The following TMEM38B variants were observed in gnomAD, a reference collection of about 807,000 sequenced individuals.
The protein encoded by TMEM38B is trimeric intracellular cation channel type B.
In TMEM38B, 24 loss-of-function variants were observed where a neutral mutation model predicts 28.7. The ratio of observed to expected loss-of-function variants is 0.84; its 90% CI spans 0.61 to 1.18. The LOEUF (loss-of-function observed/expected upper bound fraction) is 1.18. Among genes scored for constraint, TMEM38B ranks in the 50% most tolerant of loss-of-function variants. TMEM38B has a pLI of 0.00. For missense variants in TMEM38B, 380 were observed against 350.9 expected (o/e 1.08, Z -0.66); for synonymous variants, 131 against 127.7 (o/e 1.03, Z -0.17).
intron 1 of TMEM38B, among the ~76,000 whole-genome samples, chr9:105,702,493 G>A (rs1835494602): frequency 6.6e-6 from 1 of 152,116 alleles, no homozygotes; most frequent in Admixed American, 6.6e-5. Flanking sequence ...TGTATGCAGT[G>A]CATTAACAAA....
intron 4 of TMEM38B, among the ~76,000 whole-genome samples, chr9:105,742,823 G>T (rs897146957): frequency 2.0e-5 from 3 of 152,050 alleles, no homozygotes; most frequent in African/African-American, 7.2e-5. Flanking sequence ...ATAATTCCAT[G>T]TTTTTATCTT....
At chr9:105,714,273 G>A (rs1247007709) in intron 2 of TMEM38B, among the ~76,000 whole-genome samples, 1 of 152,092 alleles carries the variant, frequency 6.6e-6, no homozygotes, top group Non-Finnish European at 1.5e-5. Context: ...ACCCACTGTG[G>A]GTCTTCTCTG....
At chr9:105,718,187 CT>C (rs1210853721) in intron 2 of TMEM38B, among the ~76,000 whole-genome samples, 2 of 150,562 alleles carry the variant, frequency 1.3e-5, no homozygotes, top group Non-Finnish European at 3.0e-5. Flanking sequence ...TTACTATTTT[CT>C]TTTTCAAAGT....
At chr9:105,729,943 G>A (rs1836668539) in intron 4 of TMEM38B, among the ~76,000 whole-genome samples, 1 of 152,174 alleles carries the variant, frequency 6.6e-6, no homozygotes, top group Non-Finnish European at 1.5e-5. Flanking sequence ...CTGAAAATTT[G>A]CTGAAGTTGC....
rs144108395 is a variant in TMEM38B at position 105,716,229 on chromosome 9, T to C, written c.270-5308T>C. Among the ~76,000 whole-genome samples the C allele has an allele frequency of 8.7e-4, 133 of 152,298 alleles. 1 individual carries two copies. Among genetic ancestry groups the C allele is most frequent in the Admixed American group, 1.4e-3 (21 of 15,298 alleles). ...CAGTTTCTTCTCAGTGTGGGGCTTATTATAGAAGAGAGCCCTGGTGGGTCA... is the reference window on the plus strand; with the variant it reads ...CAGTTTCTTCTCAGTGTGGGGCTTACTATAGAAGAGAGCCCTGGTGGGTCA... On this transcript the variant is annotated intron_variant, in intron 2 of 5. Coordinates refer to ENST00000374692, the MANE Select transcript of TMEM38B (RefSeq NM_018112.3).
intron 5 of TMEM38B, among the ~76,000 whole-genome samples, chr9:105,770,254 A>G (rs1045322326): frequency 2.0e-5 from 3 of 152,190 alleles, no homozygotes; most frequent in African/African-American, 4.8e-5. Flanking sequence ...GGAGCAGGAG[A>G]TATGCTAACT....
At chr9:105,718,979 T>C (rs1836217277) in intron 2 of TMEM38B, among the ~76,000 whole-genome samples, 1 of 152,232 alleles carries the variant, frequency 6.6e-6, no homozygotes, top group South Asian at 2.1e-4. Flanking sequence ...AAAGCTGTCA[T>C]ACTGGACTAA....
At chr9:105,768,052 T>C (rs2133651767) in intron 5 of TMEM38B, among the ~76,000 whole-genome samples, 1 of 152,258 alleles carries the variant, frequency 6.6e-6, no homozygotes, top group South Asian at 2.1e-4. Context: ...AATAAGATAT[T>C]AGCTATTAAG....
chr9:105,746,728 T>C (rs186441220), intron 4 of TMEM38B, among the ~76,000 whole-genome samples: 24 of 152,308 alleles, frequency 1.6e-4, no homozygotes, highest in Admixed American at 1.4e-3. Flanking sequence ...CATAAATAGC[T>C]CTTATTATTT....
chr9:105,748,011 T>G, intron 4 of TMEM38B, 62 bp from the exon 5 acceptor site: 4 of 1,160,600 alleles, frequency 3.4e-6, no homozygotes, highest in Non-Finnish European at 5.2e-6. Flanking sequence ...GTGCACTCTT[T>G]GAGAAAGTTA....
At position 105,774,446 on chromosome 9, in the gene TMEM38B, G is replaced by C; in HGVS notation, c.*366G>C. 6.4e-6 allele frequency: 1 copy of C among 155,652 alleles called. No homozygotes were observed. Among genetic ancestry groups the C allele is most frequent in the Non-Finnish European group, 1.4e-5 (1 of 70,100 alleles). The allele number at this position is 155,652 out of a possible 1,614,324, so 9.6% of individuals were successfully genotyped here. ...TAGATTTTTCATATTTTTAAAATTT[G>C]AATCTATTTGAGCTTTAGTTCAGCA... On this transcript the variant is annotated 3_prime_UTR_variant, in exon 6 of 6. Transcript: ENST00000374692.
At chr9:105,769,100 G>A (rs1826464543) in intron 5 of TMEM38B, among the ~76,000 whole-genome samples, 1 of 152,154 alleles carries the variant, frequency 6.6e-6, no homozygotes, top group Non-Finnish European at 1.5e-5. Context: ...TGGTATGCCT[G>A]ATATATAACA....
intron 5 of TMEM38B, among the ~76,000 whole-genome samples, chr9:105,750,328 A>G (rs986961542): frequency 1.3e-5 from 2 of 152,064 alleles, no homozygotes; most frequent in Non-Finnish European, 2.9e-5. Context: ...ACAAACTGGT[A>G]AAATTTTGTT....
intron 4 of TMEM38B, among the ~76,000 whole-genome samples, chr9:105,727,372 T>C (rs561917948): frequency 7.9e-5 from 12 of 152,296 alleles, no homozygotes; most frequent in African/African-American, 2.9e-4. Flanking sequence ...GATTCATCCA[T>C]GTTGTAGCAA....
chr9:105,747,769 ATGTTG>A (rs1486966404), intron 4 of TMEM38B, among the ~76,000 whole-genome samples: 1 of 151,980 alleles, frequency 6.6e-6, no homozygotes, highest in Non-Finnish European at 1.5e-5. Flanking sequence ...AGATTCTGGT[ATGTTG>A]TGTCGTTGTT....
intron 4 of TMEM38B, 40 bp from the exon 5 acceptor site, chr9:105,748,031 CAT>C (rs1194054654): frequency 7.5e-7 from 1 of 1,329,500 alleles, no homozygotes; most frequent in East Asian, 2.3e-5. Flanking sequence ...AGAGATATGT[CAT>C]ATTTATTACT....
At chr9:105,715,359 T>A (rs551687413) in intron 2 of TMEM38B, among the ~76,000 whole-genome samples, 1 of 152,290 alleles carries the variant, frequency 6.6e-6, no homozygotes, top group African/African-American at 2.4e-5. Flanking sequence ...TATTTTTTCA[T>A]TAAGGTCCAG....
At chr9:105,715,460 A>G (rs1489839152) in intron 2 of TMEM38B, among the ~76,000 whole-genome samples, 2 of 151,768 alleles carry the variant, frequency 1.3e-5, no homozygotes, top group Non-Finnish European at 2.9e-5. Context: ...ACTTTTTTTT[A>G]ATTGAGAAAG....
intron 4 of TMEM38B, among the ~76,000 whole-genome samples, chr9:105,726,183 A>G (rs1381970405): frequency 6.6e-6 from 1 of 152,116 alleles, no homozygotes; most frequent in African/African-American, 2.4e-5. Context: ...ACAATAAATT[A>G]TTGTTAACTA....
Sources: gnomAD v4.1 joint callset for allele counts (sites outside exome capture counted in the v4.1 genomes callset) on GRCh38, gnomAD v4.1.1 for gene constraint, MANE v1.5 for transcripts, NCBI Gene and HGNC (gene_info 2026-07-23, HGNC 2026-07-21) for gene names.